Variants in GABRB2 observed in about 807,000 individuals in gnomAD.
GABRB2 encodes gamma-aminobutyric acid receptor subunit beta-2.
Under a neutral mutation model 54.7 loss-of-function variants are expected in GABRB2, and 16 were observed. That is an observed-to-expected ratio of 0.29 (90% CI 0.20 to 0.44). The LOEUF (loss-of-function observed/expected upper bound fraction) is 0.44, where lower values mean the gene tolerates loss of function less well. GABRB2 is among the 20% of genes least tolerant of loss of function. The pLI, the probability that GABRB2 is intolerant of heterozygous loss-of-function variation, is 1.00. For synonymous variants in GABRB2, 244 were observed against 233.8 expected (o/e 1.04, Z -0.40); for missense variants, 355 against 644.0 (o/e 0.55, Z 4.86).
At chr5:161,495,530 T>C (rs1759211034) in intron 3 of GABRB2, among the ~76,000 whole-genome samples, 1 of 152,022 alleles carries the variant, frequency 6.6e-6, no homozygotes, top group African/African-American at 2.4e-5. Flanking sequence ...TGCCCCAAAT[T>C]ATCCTGATAG....
At chr5:161,367,197 T>C (rs1270424958) in intron 5 of GABRB2, among the ~76,000 whole-genome samples, 1 of 152,230 alleles carries the variant, frequency 6.6e-6, no homozygotes, top group African/African-American at 2.4e-5. Context: ...TTCTATTCTT[T>C]GAATTTCTTC....
At chr5:161,429,047 G>GTT (rs943216690) in intron 4 of GABRB2, among the ~76,000 whole-genome samples, 9 of 151,540 alleles carry the variant, frequency 5.9e-5, no homozygotes, top group African/African-American at 1.7e-4. Context: ...AATAATGTAT[G>GTT]TTATAAGACC....
chr5:161,409,603 C>T (rs1165549660), intron 5 of GABRB2, among the ~76,000 whole-genome samples: 1 of 152,128 alleles, frequency 6.6e-6, no homozygotes, highest in Non-Finnish European at 1.5e-5. Context: ...TATGTTCTCT[C>T]TGGCAGCATA....
intron 5 of GABRB2, among the ~76,000 whole-genome samples, chr5:161,381,022 T>C (rs1352203088): frequency 1.3e-5 from 2 of 152,182 alleles, no homozygotes; most frequent in African/African-American, 4.8e-5. Context: ...ACACAGAGGC[T>C]TGTCCACAAA....
chr5:161,336,111 G>C (rs1753983174), intron 6 of GABRB2, among the ~76,000 whole-genome samples: 2 of 152,134 alleles, frequency 1.3e-5, no homozygotes, highest in Admixed American at 1.3e-4. Context: ...GATGGCAAAG[G>C]CCTCGGGATA....
chr5:161,531,433 A>G (rs1230487931), intron 3 of GABRB2, among the ~76,000 whole-genome samples: 1 of 152,170 alleles, frequency 6.6e-6, no homozygotes, highest in Non-Finnish European at 1.5e-5. Flanking sequence ...TAGTTCAAAG[A>G]AACAAGAAAA....
At chr5:161,520,906 C>T (rs1313655571) in intron 3 of GABRB2, among the ~76,000 whole-genome samples, 1 of 152,010 alleles carries the variant, frequency 6.6e-6, no homozygotes, top group Non-Finnish European at 1.5e-5. Context: ...ATCTTGCCAA[C>T]AATCAATAGT....
chr5:161,395,691 A>G (rs1474177944), intron 5 of GABRB2, among the ~76,000 whole-genome samples: 1 of 152,128 alleles, frequency 6.6e-6, no homozygotes, highest in South Asian at 2.1e-4. Flanking sequence ...TAAGCAAAAA[A>G]GGGAAGAAAA....
At chr5:161,421,518 C>T (rs1448268374) in intron 4 of GABRB2, among the ~76,000 whole-genome samples, 2 of 152,220 alleles carry the variant, frequency 1.3e-5, no homozygotes, top group East Asian at 1.9e-4. Context: ...GCAACATATT[C>T]TGTGGCTGAC....
chr5:161,522,083 T>C (rs1375893852), intron 3 of GABRB2, among the ~76,000 whole-genome samples: 1 of 151,852 alleles, frequency 6.6e-6, no homozygotes, highest in Non-Finnish European at 1.5e-5. Flanking sequence ...CTACGTGCAA[T>C]CCTATGCTAT....
chr5:161,433,395 T>C (rs1178867980), intron 4 of GABRB2, among the ~76,000 whole-genome samples: 2 of 150,582 alleles, frequency 1.3e-5, no homozygotes, highest in Non-Finnish European at 3.0e-5. Context: ...AGCCCAGGAG[T>C]TTGAGACAAG....
intron 5 of GABRB2, among the ~76,000 whole-genome samples, chr5:161,398,676 T>TG (rs996867673): frequency 1.2e-4 from 18 of 150,648 alleles, no homozygotes; most frequent in Non-Finnish European, 1.9e-4. Flanking sequence ...GTCTGTTTTT[T>TG]TTGTTGTTGT....
At chr5:161,338,415 G>A (rs552845614) in intron 5 of GABRB2, among the ~76,000 whole-genome samples, 1 of 152,110 alleles carries the variant, frequency 6.6e-6, no homozygotes, top group Non-Finnish European at 1.5e-5. Context: ...TTATACGTCA[G>A]CAATATTTTA....
At chr5:161,457,360 C>G (rs1364138537) in intron 4 of GABRB2, among the ~76,000 whole-genome samples, 1 of 151,908 alleles carries the variant, frequency 6.6e-6, no homozygotes, top group African/African-American at 2.4e-5. Flanking sequence ...AATAACTTGT[C>G]GTCATTTTTG....
At chr5:161,452,458 T>C (rs1171384235) in intron 4 of GABRB2, among the ~76,000 whole-genome samples, 2 of 152,200 alleles carry the variant, frequency 1.3e-5, no homozygotes, top group Non-Finnish European at 2.9e-5. Flanking sequence ...CCAATAAATA[T>C]CCTATTTTAA....
At chr5:161,520,952 A>G (rs1056977453) in intron 3 of GABRB2, among the ~76,000 whole-genome samples, 2 of 152,062 alleles carry the variant, frequency 1.3e-5, no homozygotes, top group African/African-American at 4.8e-5. Context: ...CAGGGATAAA[A>G]TAATACTTAT....
At chr5:161,327,075 C>CAT (rs1758389088) in intron 8 of GABRB2, 1 of 528,802 alleles carries the variant, frequency 1.9e-6, no homozygotes, top group Non-Finnish European at 2.4e-6. Context: ...CACACACACA[C>CAT]AAACTAGAAG....
At chr5:161,315,668 T>A (rs1227316138) in intron 9 of GABRB2, among the ~76,000 whole-genome samples, 4 of 152,184 alleles carry the variant, frequency 2.6e-5, no homozygotes, top group African/African-American at 9.7e-5. Flanking sequence ...TATTATTTGT[T>A]ATAGATACAT....
At chr5:161,361,854 C>A (rs1754818718) in intron 5 of GABRB2, among the ~76,000 whole-genome samples, 1 of 152,144 alleles carries the variant, frequency 6.6e-6, no homozygotes, top group Non-Finnish European at 1.5e-5. Flanking sequence ...TTTGCCCATA[C>A]ATACCTCCTG....
Sources: gnomAD v4.1 joint callset for allele counts (sites outside exome capture counted in the v4.1 genomes callset) on GRCh38, gnomAD v4.1.1 for gene constraint, MANE v1.5 for transcripts, NCBI Gene and HGNC (gene_info 2026-07-23, HGNC 2026-07-21) for gene names.